The following VWA8 variants were observed in gnomAD, a reference collection of about 807,000 sequenced individuals.
VWA8 encodes the protein von Willebrand factor A domain containing 8, also known as von Willebrand factor A domain-containing protein 8.
A neutral mutation model predicts 241.5 loss-of-function variants in VWA8; 221 were observed. That is an observed-to-expected ratio of 0.91 (90% CI 0.82 to 1.02). The LOEUF (loss-of-function observed/expected upper bound fraction) is 1.02, where lower values mean the gene tolerates loss of function less well. VWA8 is among the 50% of genes least tolerant of loss of function. The probability of loss-of-function intolerance (pLI) is 0.00; values close to 1 mark genes in which losing one functional copy is unlikely to be tolerated. For synonymous variants in VWA8, 852 were observed against 827.1 expected (o/e 1.03, Z -0.52); for missense variants, 2,322 against 2,328.7 (o/e 1.00, Z 0.06).
chr13:41,680,039 T>C (rs2045087576), intron 35 of VWA8, among the ~76,000 whole-genome samples: 1 of 152,024 alleles, frequency 6.6e-6, no homozygotes, highest in African/African-American at 2.4e-5. Flanking sequence ...CACTCCCGAT[T>C]TTCCCATCCC....
intron 21 of VWA8, among the ~76,000 whole-genome samples, chr13:41,741,594 A>AT (rs1027142089): frequency 6.6e-6 from 1 of 152,202 alleles, no homozygotes; most frequent in Non-Finnish European, 1.5e-5. Flanking sequence ...AGGGTATAAC[A>AT]TTTTTTTATG....
chr13:41,886,825 T>C lies in VWA8; in HGVS notation c.822A>G (p.Gln274=), dbSNP rs755511434. 3.8e-6 allele frequency: 6 copies of C among 1,589,556 alleles called. No individual in the cohort carries two copies. The highest frequency in any genetic ancestry group is 1.4e-5 in the African/African-American group (1 of 73,904). The change falls in exon 7 of 45, where the codon CAA becomes CAG. Residue 274 remains glutamine, a synonymous_variant. Transcript: ENST00000379310. ...CTCCAATTGAATATAACAACTTAAGTTGGTCCTAAAGTAATACAGAAACAT... is the reference window on the plus strand; with the variant it reads ...CTCCAATTGAATATAACAACTTAAGCTGGTCCTAAAGTAATACAGAAACAT... ...RDIYYLPFKD[Q]LKLLYSIGAN...
intron 12 of VWA8, among the ~76,000 whole-genome samples, chr13:41,857,829 TGTTTGTGAAG>T (rs1158284505): frequency 1.3e-5 from 2 of 152,034 alleles, no homozygotes; most frequent in African/African-American, 2.4e-5. Context: ...ATTCTAGGGG[TGTTTGTGAAG>T]GTATTTCTGG....
intron 36 of VWA8, among the ~76,000 whole-genome samples, chr13:41,674,177 C>T (rs1593689060): frequency 6.6e-6 from 1 of 151,958 alleles, no homozygotes; most frequent in Non-Finnish European, 1.5e-5. Flanking sequence ...TTTTTTTAAT[C>T]TGATTAAAGG....
At chr13:41,635,199 A>G (rs2044749361) in intron 37 of VWA8, among the ~76,000 whole-genome samples, 1 of 152,196 alleles carries the variant, frequency 6.6e-6, no homozygotes. Context: ...GGGTAAGTGC[A>G]TATCTGACAT....
chr13:41,699,161 T>C lies in VWA8; in HGVS notation c.3474A>G (p.Pro1158=). 6.2e-7 allele frequency: 1 copy of C among 1,614,094 alleles called. No homozygotes were observed. The highest frequency in any genetic ancestry group is 8.5e-7 in the Non-Finnish European group (1 of 1,179,992). The change falls in exon 29 of 45, where the codon CCA becomes CCG. Residue 1158 remains proline, a synonymous_variant. Coordinates refer to ENST00000379310, the MANE Select transcript of VWA8 (RefSeq NM_015058.2). ...GFFVDFFDIF[P]RTANGVWHPF... is the part of the protein sequence containing the mutation. ...GGTGCCAAACGCCATTGGCTGTTCT[T>C]GGGAAGATATCAAAAAAGTCCACAA...
chr13:41,678,866 T>TA (rs966703486), intron 35 of VWA8, among the ~76,000 whole-genome samples: 57 of 152,254 alleles, frequency 3.7e-4, no homozygotes, highest in African/African-American at 1.3e-3. Flanking sequence ...TTCAGGGAAA[T>TA]ATAGTAAAGG....
intron 12 of VWA8, among the ~76,000 whole-genome samples, chr13:41,853,623 G>A (rs569314569): frequency 4.1e-4 from 62 of 151,924 alleles, no homozygotes; most frequent in African/African-American, 1.4e-3. Flanking sequence ...CATATTTCTA[G>A]GAATTTACCA....
intron 9 of VWA8, among the ~76,000 whole-genome samples, chr13:41,869,629 C>A (rs1873489581): frequency 2.2e-5 from 1 of 44,544 alleles, no homozygotes; most frequent in Non-Finnish European, 3.8e-5. Context: ...AAAACTTTGT[C>A]TCAAAAAAAA....
chr13:41,882,602 G>A (rs1310785250), intron 9 of VWA8, among the ~76,000 whole-genome samples: 1 of 152,256 alleles, frequency 6.6e-6, no homozygotes, highest in South Asian at 2.1e-4. Flanking sequence ...AGGAGCTGGA[G>A]ACCAGCCCGG....
intron 40 of VWA8, among the ~76,000 whole-genome samples, chr13:41,601,506 A>C (rs2044521316): frequency 6.6e-6 from 1 of 152,168 alleles, no homozygotes; most frequent in African/African-American, 2.4e-5. Context: ...TAGCCTGAGA[A>C]TGAAATTATG....
chr13:41,950,039 T>C, intron 1 of VWA8, 26 bp from the exon 2 acceptor site: 1 of 1,398,382 alleles, frequency 7.2e-7, no homozygotes, highest in Non-Finnish European at 9.9e-7. Flanking sequence ...AAAAACAGAA[T>C]AATTATAAGA....
At chr13:41,770,901 C>G (rs1488643119) in intron 20 of VWA8, among the ~76,000 whole-genome samples, 7 of 98,362 alleles carry the variant, frequency 7.1e-5, no homozygotes, top group Non-Finnish European at 1.0e-4. Context: ...CTTAAAATGA[C>G]AAAAAAAAAA....
chr13:41,822,849 C>CA (rs1241794424), intron 14 of VWA8, among the ~76,000 whole-genome samples: 3 of 151,890 alleles, frequency 2.0e-5, no homozygotes, highest in Non-Finnish European at 4.4e-5. Context: ...AGAAACCAGA[C>CA]AAAAAAGAGC....
At chr13:41,774,902 A>T (rs1281882352) in intron 20 of VWA8, among the ~76,000 whole-genome samples, 2 of 152,190 alleles carry the variant, frequency 1.3e-5, no homozygotes, top group African/African-American at 4.8e-5. Flanking sequence ...AAAAGGAAGG[A>T]AGGTCTTTGG....
At chr13:41,680,302 A>G (rs1384411203) in intron 35 of VWA8, among the ~76,000 whole-genome samples, 1 of 152,106 alleles carries the variant, frequency 6.6e-6, no homozygotes, top group East Asian at 1.9e-4. Flanking sequence ...ATCAATTTCA[A>G]TTTCTAAGAG....
intron 26 of VWA8, among the ~76,000 whole-genome samples, chr13:41,703,778 T>C (rs944674738): frequency 4.2e-5 from 4 of 95,180 alleles, no homozygotes; most frequent in African/African-American, 1.4e-4. Flanking sequence ...TTTCAGTCTA[T>C]TTTTTTTTTT....
intron 37 of VWA8, among the ~76,000 whole-genome samples, chr13:41,663,717 C>G (rs2044967520): frequency 6.6e-6 from 1 of 151,834 alleles, no homozygotes; most frequent in Non-Finnish European, 1.5e-5. Flanking sequence ...CTATCATAAA[C>G]AAATCAATAT....
At chr13:41,837,446 GAAC>G (rs1346111656) in intron 12 of VWA8, among the ~76,000 whole-genome samples, 1 of 148,490 alleles carries the variant, frequency 6.7e-6, no homozygotes, top group Non-Finnish European at 1.5e-5. Context: ...AACTTTCACA[GAAC>G]AACTGAATCT....
Sources: allele counts gnomAD v4.1 joint callset (sites outside exome capture counted in the v4.1 genomes callset), GRCh38; gene constraint gnomAD v4.1.1; transcripts MANE v1.5; gene names NCBI Gene and HGNC (gene_info 2026-07-23, HGNC 2026-07-21).